The following CCDC175 variants were observed in gnomAD, a reference collection of about 807,000 sequenced individuals.
The protein encoded by CCDC175 is coiled-coil domain containing 175.
A neutral mutation model predicts 114.6 loss-of-function variants in CCDC175; 100 were observed. That is an observed-to-expected ratio of 0.87 (90% CI 0.74 to 1.03). The LOEUF (loss-of-function observed/expected upper bound fraction) is 1.03. Ranked by LOEUF, CCDC175 falls within the 50% of genes least tolerant of loss-of-function variation. The probability of loss-of-function intolerance (pLI) is 0.00; values close to 1 mark genes in which losing one functional copy is unlikely to be tolerated. For synonymous variants in CCDC175, 306 were observed against 308.7 expected (o/e 0.99, Z 0.09); for missense variants, 880 against 917.8 (o/e 0.96, Z 0.53).
chr14:59,530,372 A>T (rs1033044177), intron 14 of CCDC175, among the ~76,000 whole-genome samples: 3 of 151,462 alleles, frequency 2.0e-5, no homozygotes, highest in Non-Finnish European at 4.4e-5. Flanking sequence ...ATCTCAAAAA[A>T]AGAAAGAAAG....
chr14:59,523,292 C>G (rs939223498), intron 16 of CCDC175, among the ~76,000 whole-genome samples: 2 of 152,096 alleles, frequency 1.3e-5, no homozygotes, highest in African/African-American at 4.8e-5. Flanking sequence ...GCACAATTAC[C>G]TTTTCAAAGT....
In CCDC175 at chr14:59,551,507, T is replaced by C. The variant is rs1284004420; in HGVS notation, c.954-71A>G. 4.4e-6 allele frequency: 3 copies of C among 685,808 alleles called. No homozygotes were observed. The East Asian group carries it at 8.9e-5, about 20-fold the overall frequency. 42.5% of individuals were successfully genotyped at this position (685,808 alleles called of 1,614,324 possible). A position where few individuals can be genotyped will look rare whatever the true frequency, so the allele number is the denominator to read the frequency against. ...TGAATTCTAAGGCAAGGTGGCCAAA[T>C]AGGAACAGCTGCAGTATACAGCTCC... On this transcript the variant is annotated intron_variant, in intron 7 of 19. Coordinates refer to ENST00000537690, the MANE Select transcript of CCDC175 (RefSeq NM_001164399.2).
chr14:59,505,211 T>C lies in CCDC175; in HGVS notation c.*28A>G, dbSNP rs1244681995. The C allele has an allele frequency of 7.9e-7, 1 of 1,262,046 alleles. No homozygotes were observed. Among genetic ancestry groups the C allele is most frequent in the Non-Finnish European group, 1.1e-6 (1 of 925,610 alleles). The allele number at this position is 1,262,046 out of a possible 1,614,324, so 78.2% of individuals were successfully genotyped here. On this transcript the variant is annotated 3_prime_UTR_variant, in exon 20 of 20. Coordinates refer to ENST00000537690, the MANE Select transcript of CCDC175 (RefSeq NM_001164399.2). ...CACTTTTCCTGTAGTAGTCTGTCTT[T>C]TGAATTCACAGCAGTTGTATCCTTG...
At chr14:59,520,887 G>A (rs1893393114) in intron 17 of CCDC175, among the ~76,000 whole-genome samples, 1 of 152,168 alleles carries the variant, frequency 6.6e-6, no homozygotes, top group Non-Finnish European at 1.5e-5. Flanking sequence ...TCATGAAAAT[G>A]CTCTATATCT....
At position 59,524,207 on chromosome 14, in the gene CCDC175, T is replaced by A. The variant is rs192367385; in HGVS notation, c.1995+1075A>T. Among the ~76,000 whole-genome samples the A allele has an allele frequency of 9.2e-5, 14 of 152,334 alleles. No individual in the cohort carries two copies. In the East Asian group the frequency reaches 2.7e-3, roughly 29 times the overall value. Reference sequence around the variant, plus strand: ...TGTCACAGTATATAAAATGTTGGACTCTATACACTTTAAAAATATGCTTTG... The same window carrying A: ...TGTCACAGTATATAAAATGTTGGACACTATACACTTTAAAAATATGCTTTG... On this transcript the variant is annotated intron_variant, in intron 16 of 19. Transcript: ENST00000537690.
chr14:59,522,832 A>C lies in CCDC175; in HGVS notation c.1996-1156T>G, dbSNP rs1893499030. Among the ~76,000 whole-genome samples, 2 of 152,230 alleles carry C rather than the reference A, an allele frequency of 1.3e-5. 1 individual carries two copies. The highest frequency in any genetic ancestry group is 4.1e-4 in the South Asian group (2 of 4,828). ...TCTTGTTCAGATTGTTGCACTTAAC[A>C]TACTGAATTGTAATGATCTGTTTCT... is the stretch of plus-strand genomic sequence containing the variant. On this transcript the variant is annotated intron_variant, in intron 16 of 19. Transcript: ENST00000537690.
chr14:59,518,146 C>T (rs1893213048), intron 17 of CCDC175, among the ~76,000 whole-genome samples: 1 of 152,196 alleles, frequency 6.6e-6, no homozygotes, highest in Non-Finnish European at 1.5e-5. Flanking sequence ...GGATCCCTTC[C>T]TTACACCTTA....
intron 12 of CCDC175, among the ~76,000 whole-genome samples, chr14:59,538,391 C>T (rs1284073692): frequency 6.6e-6 from 1 of 151,912 alleles, no homozygotes. Context: ...AGTGAGTGAG[C>T]AGAGGGTAAC....
intron 5 of CCDC175, 96 bp from the exon 6 acceptor site, chr14:59,563,955 TAATCTA>T (rs1347321396): frequency 1.2e-5 from 9 of 767,676 alleles, no homozygotes; most frequent in East Asian, 3.4e-5. Flanking sequence ...AATTCATATT[TAATCTA>T]AGTATAACAT....
intron 7 of CCDC175, among the ~76,000 whole-genome samples, chr14:59,554,951 C>A (rs1242218987): frequency 3.9e-5 from 6 of 152,070 alleles, no homozygotes; most frequent in Admixed American, 1.3e-4. Flanking sequence ...CAATAACAGG[C>A]TCTGAAAGTG....
At chr14:59,520,121 A>G (rs1893339049) in intron 17 of CCDC175, among the ~76,000 whole-genome samples, 1 of 152,206 alleles carries the variant, frequency 6.6e-6, no homozygotes, top group Middle Eastern at 3.2e-3. Context: ...AAAGTAAATA[A>G]TTTGTCTTCA....
At chr14:59,525,746 C>T (rs1893701032) in intron 15 of CCDC175, among the ~76,000 whole-genome samples, 1 of 152,022 alleles carries the variant, frequency 6.6e-6, no homozygotes, top group African/African-American at 2.4e-5. Context: ...AGAATACATT[C>T]ACAAAAATAA....
intron 3 of CCDC175, 39 bp downstream of exon 3, chr14:59,572,663 G>A (rs761441575): frequency 9.0e-7 from 1 of 1,109,990 alleles, no homozygotes; most frequent in Non-Finnish European, 1.3e-6. Flanking sequence ...TCTGTTATAA[G>A]ATCAACTAAA....
chr14:59,509,919 C>G (rs1892651270), intron 19 of CCDC175, among the ~76,000 whole-genome samples: 1 of 152,182 alleles, frequency 6.6e-6, no homozygotes, highest in Non-Finnish European at 1.5e-5. Context: ...GATTTGTACA[C>G]TTGCCAGATG....
At chr14:59,541,441 A>T (rs80068982) in intron 10 of CCDC175, among the ~76,000 whole-genome samples, 251 of 152,342 alleles carry the variant, frequency 1.6e-3, no homozygotes, top group Non-Finnish European at 2.7e-3. Context: ...ACAGAAATGA[A>T]TTGAAAGCCA....
chr14:59,565,397 T>A (rs1896476038), intron 4 of CCDC175, 122 bp from the exon 5 acceptor site: 1 of 831,010 alleles, frequency 1.2e-6, no homozygotes, highest in Non-Finnish European at 1.8e-6. Context: ...TATGACTGTG[T>A]TTATGATTGT....
intron 7 of CCDC175, among the ~76,000 whole-genome samples, chr14:59,553,983 G>C (rs1406754816): frequency 2.6e-5 from 4 of 152,020 alleles, no homozygotes; most frequent in African/African-American, 9.7e-5. Context: ...TAGAGACCTG[G>C]AAAGAGACTT....
intron 6 of CCDC175, among the ~76,000 whole-genome samples, chr14:59,561,487 A>G (rs1896226251): frequency 1.3e-5 from 2 of 152,192 alleles, no homozygotes; most frequent in South Asian, 4.1e-4. Context: ...AACTGTTTTT[A>G]CAAACTTTTG....
In CCDC175 at chr14:59,565,278, G is replaced by A. The variant is rs1980580; in HGVS notation, c.492-3C>T. The A allele has an allele frequency of 0.53, 810,145 of 1,534,624 alleles. 221,590 individuals are homozygous for A. The highest frequency in any genetic ancestry group is 0.81 in the East Asian group (33,026 of 40,914). ...TTGCTAGCTCTTCCTGCTTCTCCCTGGGAGGAAAGAATTGCTCACAGAGTG... is the reference window on the plus strand; with the variant it reads ...TTGCTAGCTCTTCCTGCTTCTCCCTAGGAGGAAAGAATTGCTCACAGAGTG... On this transcript the variant is annotated splice_region_variant and splice_polypyrimidine_tract_variant and intron_variant, in intron 4 of 19. Coordinates refer to ENST00000537690, the MANE Select transcript of CCDC175 (RefSeq NM_001164399.2).
Sources: allele counts gnomAD v4.1 joint callset (sites outside exome capture counted in the v4.1 genomes callset), GRCh38; gene constraint gnomAD v4.1.1; transcripts MANE v1.5; gene names NCBI Gene and HGNC (gene_info 2026-07-23, HGNC 2026-07-21).